The following F11R variants were observed in gnomAD, a reference collection of about 807,000 sequenced individuals.
The protein encoded by F11R is F11 receptor, also known as junctional adhesion molecule A.
In F11R, 27 loss-of-function variants were observed where a neutral mutation model predicts 39.3. The ratio of observed to expected loss-of-function variants is 0.69; its 90% CI spans 0.51 to 0.95. The LOEUF (loss-of-function observed/expected upper bound fraction) is 0.95, where lower values mean the gene tolerates loss of function less well. Among genes scored for constraint, F11R ranks in the 40% least tolerant of loss-of-function variants. The pLI is 0.00. For missense variants in F11R, 335 were observed against 372.7 expected (o/e 0.90, Z 0.83); for synonymous variants, 131 against 144.9 (o/e 0.90, Z 0.69).
chr1:160,999,612 AG>A lies in F11R; in HGVS notation c.802+27del, dbSNP rs775775523. 8.1e-6 allele frequency: 13 copies of A among 1,600,432 alleles called. No homozygotes were observed. In the East Asian group the frequency reaches 2.7e-4, roughly 33 times the overall value. ...AGGCCCTGGGATGGGGGCAGTACAA[AG>A]GAGAGCCTCTGGGGGCAGATACTTA... is the stretch of plus-strand genomic sequence containing the variant. On this transcript the variant is annotated intron_variant, in intron 7 of 9. Transcript: ENST00000368026.
intron 5 of F11R, 50 bp downstream of exon 5, chr1:161,000,096 G>T (rs766057357): frequency 1.2e-6 from 2 of 1,607,390 alleles, no homozygotes; most frequent in South Asian, 2.2e-5. Flanking sequence ...ACCTTTTGGG[G>T]TTCTATAACT....
At chr1:161,015,427 T>TATATAC (rs1553211275) in intron 1 of F11R, among the ~76,000 whole-genome samples, 2 of 138,394 alleles carry the variant, frequency 1.4e-5, no homozygotes, top group Admixed American at 7.3e-5. Flanking sequence ...TATATATATA[T>TATATAC]ACACACACAC....
chr1:161,021,126 C>T lies in F11R; in HGVS notation c.-53G>A. On this transcript the variant is annotated 5_prime_UTR_variant, in exon 1 of 10. It adds an upstream start codon to the 5' untranslated region. Transcript: ENST00000368026. ...GCCGAAGGACTCCTGGGAACAGACACAGCTCCGCGACTACAGCGAGGGGAC... is the reference window on the plus strand; with the variant it reads ...GCCGAAGGACTCCTGGGAACAGACATAGCTCCGCGACTACAGCGAGGGGAC... The T allele has an allele frequency of 6.5e-7, 1 of 1,528,156 alleles. No individual in the cohort carries two copies. The highest frequency in any genetic ancestry group is 9.0e-7 in the Non-Finnish European group (1 of 1,105,710). The allele number at this position is 1,528,156 out of a possible 1,614,324, so 94.7% of individuals were successfully genotyped here.
In F11R at chr1:161,000,638, G is replaced by A. The variant is rs144792483; in HGVS notation, c.381C>T (p.Ile127=). 252 of 1,614,088 alleles carry A rather than the reference G, an allele frequency of 1.6e-4. No homozygotes were observed. In the African/African-American group the frequency reaches 2.8e-3, roughly 18 times the overall value. The change falls in exon 4 of 10, where the codon ATC becomes ATT. Residue 127 remains isoleucine, a synonymous_variant. Transcript: ENST00000368026. ...NSYGEVKVKL[I]VLVPPSKPTV... ...AAGACATGGGGCACGTACCAAGCAC[G>A]ATGAGCTTGACCTTGACCTCCCCAT... is the stretch of plus-strand genomic sequence containing the variant.
intron 1 of F11R, among the ~76,000 whole-genome samples, chr1:161,015,590 CAAAA>C (rs35166075): frequency 3.1e-5 from 4 of 127,918 alleles, no homozygotes; most frequent in Admixed American, 8.2e-5. Context: ...GACTTTGTCT[CAAAA>C]AAAAAAAAAA....
At chr1:161,003,386 G>A (rs1648608939) in intron 1 of F11R, among the ~76,000 whole-genome samples, 1 of 151,754 alleles carries the variant, frequency 6.6e-6, no homozygotes, top group South Asian at 2.1e-4. Flanking sequence ...GCCTCCCAAA[G>A]TGCTGGGATT....
intron 1 of F11R, among the ~76,000 whole-genome samples, chr1:161,005,655 G>C (rs1648762752): frequency 6.6e-6 from 1 of 152,028 alleles, no homozygotes; most frequent in South Asian, 2.1e-4. Flanking sequence ...TTATAGGCCT[G>C]AGCTACCGCA....
intron 1 of F11R, 137 bp downstream of exon 1, chr1:161,020,873 G>C: frequency 1.3e-6 from 1 of 780,644 alleles, no homozygotes. Context: ...ACCAGCCAGG[G>C]GTGGAAAAGA....
rs1396528783 is a variant in F11R, at chr1:160,999,873, CA to C, written c.694+2del. The C allele has an allele frequency of 1.4e-5, 23 of 1,613,902 alleles. No homozygotes were observed. The highest frequency in any genetic ancestry group is 1.9e-5 in the Non-Finnish European group (22 of 1,179,914). ...AGGTCTGGGCTCAAGCCCTAACTCT[CA>C]CCAGCTTCCATGCGCACAGCATTTG... On this transcript the variant is annotated splice_donor_variant, in intron 6 of 9. Coordinates refer to ENST00000368026, the MANE Select transcript of F11R (RefSeq NM_016946.6). LOFTEE classifies it high-confidence loss of function.
intron 1 of F11R, among the ~76,000 whole-genome samples, chr1:161,004,324 C>A (rs1648676935): frequency 6.6e-6 from 1 of 152,016 alleles, no homozygotes; most frequent in South Asian, 2.1e-4. Flanking sequence ...CTTTGGGAGG[C>A]CAAAGAGGGC....
intron 1 of F11R, among the ~76,000 whole-genome samples, chr1:161,014,290 T>C (rs774004676): frequency 1.3e-5 from 2 of 152,152 alleles, no homozygotes; most frequent in Non-Finnish European, 2.9e-5. Context: ...TTTAAATCTA[T>C]TTTTGGGTGT....
Position 160,999,949 on chromosome 1 carries a change from A to G in F11R, c.621T>C (p.Thr207=). ...TCCGTGCCTCACAGCTGTATTCTCC[A>G]GTATCAGAGGCTGACAGGGGATCAA... ...LVFDPLSASD[T]GEYSCEARNG... Residue 207 remains threonine, a synonymous_variant, in exon 6 of 10, where the codon ACT becomes ACC. Coordinates refer to ENST00000368026, the MANE Select transcript of F11R (RefSeq NM_016946.6). 1 of 1,614,208 alleles carries G rather than the reference A, an allele frequency of 6.2e-7. No homozygotes were observed. The highest frequency in any genetic ancestry group is 8.5e-7 in the Non-Finnish European group (1 of 1,180,042).
At chr1:161,002,277 A>C (rs1571009224) in intron 1 of F11R, among the ~76,000 whole-genome samples, 2 of 151,806 alleles carry the variant, frequency 1.3e-5, no homozygotes, top group Admixed American at 6.6e-5. Flanking sequence ...AAAAAAAAAA[A>C]AAAAAACACA....
rs145230626 is a variant in F11R at position 161,019,243 on chromosome 1, T to C, written c.64+1767A>G. ...TTCTAAAATACAGGCAGAAGTAAAA[T>C]AGGCAAGGGGTAGGGAAAAAAGGGA... On this transcript the variant is annotated intron_variant, in intron 1 of 9. Coordinates refer to ENST00000368026, the MANE Select transcript of F11R (RefSeq NM_016946.6). Among the ~76,000 whole-genome samples the C allele has an allele frequency of 3.3e-5, 5 of 150,554 alleles. No individual in the cohort carries two copies. The East Asian group carries it at 9.8e-4, about 29-fold the overall frequency.
intron 1 of F11R, among the ~76,000 whole-genome samples, chr1:161,012,612 A>AT: frequency 6.7e-6 from 1 of 149,756 alleles, no homozygotes; most frequent in South Asian, 2.1e-4. Context: ...TTATTTATTT[A>AT]TTTATTTATT....
rs762669299 is a variant in F11R, at chr1:160,998,883, T to G, written c.888A>C (p.Ser296=). The change falls in exon 10 of 10, where the codon TCA becomes TCC. Residue 296 remains serine, a synonymous_variant. Transcript: ENST00000368026. The part of the protein sequence containing the change: ...RSEGEFKQTS[S]FLV ...GAGCCGACCAGGCTCACACCAGGAA[T>G]GACGAGGTCTGTTTGAATTCTCCCT... is the stretch of plus-strand genomic sequence containing the variant. 5 of 1,614,098 alleles carry G rather than the reference T, an allele frequency of 3.1e-6. No homozygotes were observed. The highest frequency in any genetic ancestry group is 3.4e-6 in the Non-Finnish European group (4 of 1,180,034).
rs139333121 is a variant in F11R, at chr1:161,016,076, G to A, written c.64+4934C>T. On this transcript the variant is annotated intron_variant, in intron 1 of 9. Transcript: ENST00000368026. Reference sequence around the variant, plus strand: ...GGAGTGGCCAGGTGCAGGGGTTCACGCCTGTAATCCCAGCACTTTGGAAAG... The same window carrying A: ...GGAGTGGCCAGGTGCAGGGGTTCACACCTGTAATCCCAGCACTTTGGAAAG... Among the ~76,000 whole-genome samples, 612 of 152,226 alleles carry A rather than the reference G, an allele frequency of 4.0e-3. 4 individuals are homozygous for A. The highest frequency in any genetic ancestry group is 9.7e-3 in the South Asian group (47 of 4,824).
chr1:161,008,072 A>T (rs944656602), intron 1 of F11R, among the ~76,000 whole-genome samples: 3 of 152,184 alleles, frequency 2.0e-5, no homozygotes, highest in African/African-American at 7.2e-5. Context: ...GTGGTAAACG[A>T]ATAATAGAAG....
chr1:161,012,088 C>A (rs1293533162), intron 1 of F11R, among the ~76,000 whole-genome samples: 1 of 152,104 alleles, frequency 6.6e-6, no homozygotes, highest in Non-Finnish European at 1.5e-5. Context: ...GCTCCCAGCA[C>A]TACACTTTGC....
Sources: allele counts gnomAD v4.1 joint callset (sites outside exome capture counted in the v4.1 genomes callset), GRCh38; gene constraint gnomAD v4.1.1; transcripts MANE v1.5; gene names NCBI Gene and HGNC (gene_info 2026-07-23, HGNC 2026-07-21).